The following SLC24A2 variants were observed in gnomAD, a reference collection of about 807,000 sequenced individuals.
SLC24A2 encodes sodium/potassium/calcium exchanger 2.
A neutral mutation model predicts 62.0 loss-of-function variants in SLC24A2; 36 were observed. The observed-to-expected ratio is 0.58, with a 90% CI of 0.44 to 0.77. SLC24A2 has a LOEUF of 0.77. SLC24A2 is among the 30% of genes least tolerant of loss of function. The pLI is 0.00. For synonymous variants in SLC24A2, 358 were observed against 294.0 expected (o/e 1.22, Z -2.23); for missense variants, 846 against 817.9 (o/e 1.03, Z -0.42).
the SLC24A2 span, among the ~76,000 whole-genome samples, chr9:20,257,402 T>A: frequency 1.2e-4 from 18 of 152,196 alleles, no homozygotes; most frequent in South Asian, 4.1e-4. Context: ...GGTGCCCTTT[T>A]TTTTCTATAG....
intron 2 of SLC24A2, among the ~76,000 whole-genome samples, chr9:19,771,409 T>G (rs1439483422): frequency 3.3e-5 from 5 of 152,208 alleles, no homozygotes; most frequent in Non-Finnish European, 7.3e-5. Context: ...CACTTAGACT[T>G]TCAAGGTCAG....
chr9:19,585,407 G>A (rs12347873), intron 5 of SLC24A2, among the ~76,000 whole-genome samples: 17,616 of 152,076 alleles, frequency 0.12, 1,111 homozygotes, highest in African/African-American at 0.17. Context: ...TTATTTTCTG[G>A]CATCACAAGA....
chr9:19,864,488 T>A, the SLC24A2 span, among the ~76,000 whole-genome samples: 1 of 151,980 alleles, frequency 6.6e-6, no homozygotes, highest in Non-Finnish European at 1.5e-5. Flanking sequence ...AAATGTCACT[T>A]ATCATGACCA....
intron 2 of SLC24A2, among the ~76,000 whole-genome samples, chr9:19,676,090 A>G (rs148126373): frequency 1.1e-3 from 172 of 152,118 alleles, no homozygotes; most frequent in African/African-American, 3.9e-3. Context: ...GCTCTCTAAA[A>G]TTTTCTCAGC....
intron 4 of SLC24A2, among the ~76,000 whole-genome samples, chr9:19,613,589 AC>A (rs1403276393): frequency 4.6e-5 from 7 of 151,994 alleles, no homozygotes; most frequent in Non-Finnish European, 1.0e-4. Context: ...CTTTTAAAAA[AC>A]CCTCTCTGGC....
intron 2 of SLC24A2, among the ~76,000 whole-genome samples, chr9:19,755,159 G>T (rs73432049): frequency 0.03 from 4,530 of 152,254 alleles, 226 homozygotes; most frequent in African/African-American, 0.1. Flanking sequence ...CCAGGGGCAA[G>T]TTCCTTAATC....
At chr9:19,947,168 G>A in the SLC24A2 span, among the ~76,000 whole-genome samples, 1 of 152,190 alleles carries the variant, frequency 6.6e-6, no homozygotes. Context: ...AACTGAGCCT[G>A]CAGTGATACT....
chr9:19,558,461 G>A (rs1052427626), intron 7 of SLC24A2, among the ~76,000 whole-genome samples: 1 of 152,174 alleles, frequency 6.6e-6, no homozygotes, highest in South Asian at 2.1e-4. Context: ...AGTGCACTAT[G>A]GCCAAAATGA....
the SLC24A2 span, among the ~76,000 whole-genome samples, chr9:20,279,009 G>C: frequency 6.6e-6 from 1 of 152,142 alleles, no homozygotes; most frequent in South Asian, 2.1e-4. Flanking sequence ...TCTTCATATG[G>C]CAGCAGGAAG....
At chr9:20,290,922 C>T in the SLC24A2 span, among the ~76,000 whole-genome samples, 4 of 152,134 alleles carry the variant, frequency 2.6e-5, no homozygotes, top group Admixed American at 6.5e-5. Context: ...CTAGCATTGA[C>T]CCATATGGCA....
At chr9:19,853,056 G>C in the SLC24A2 span, among the ~76,000 whole-genome samples, 5 of 152,154 alleles carry the variant, frequency 3.3e-5, no homozygotes, top group East Asian at 7.7e-4. Flanking sequence ...GTATTGCTGG[G>C]TATTTTATTC....
the SLC24A2 span, among the ~76,000 whole-genome samples, chr9:20,174,204 C>T: frequency 7.2e-5 from 11 of 151,862 alleles, no homozygotes; most frequent in Admixed American, 2.6e-4. Flanking sequence ...CAACTCAAGA[C>T]GGATTAAGGA....
At chr9:19,676,498 C>T (rs1819564107) in intron 2 of SLC24A2, among the ~76,000 whole-genome samples, 1 of 152,178 alleles carries the variant, frequency 6.6e-6, no homozygotes, top group Admixed American at 6.5e-5. Context: ...TGACTGTGTG[C>T]CTTTGTTTCC....
chr9:20,140,043 G>A, the SLC24A2 span, among the ~76,000 whole-genome samples: 2 of 152,144 alleles, frequency 1.3e-5, no homozygotes, highest in Non-Finnish European at 2.9e-5. Flanking sequence ...AGCTACATGT[G>A]GAAATCCCAG....
chr9:19,743,853 G>A (rs937196662), intron 2 of SLC24A2, among the ~76,000 whole-genome samples: 6 of 152,026 alleles, frequency 3.9e-5, no homozygotes, highest in Admixed American at 2.6e-4. Context: ...ATAAATGGAC[G>A]GGTACCTGGT....
At chr9:20,189,023 A>T in the SLC24A2 span, among the ~76,000 whole-genome samples, 1 of 151,870 alleles carries the variant, frequency 6.6e-6, no homozygotes, top group African/African-American at 2.4e-5. Context: ...TACCCAAGCT[A>T]AACTCCCACA....
the SLC24A2 span, among the ~76,000 whole-genome samples, chr9:20,238,930 C>G: frequency 3.3e-5 from 5 of 152,198 alleles, no homozygotes; most frequent in African/African-American, 7.2e-5. Context: ...TTCTTCCTCC[C>G]TCCTAGTGAC....
chr9:19,741,596 C>G (rs1449717530), intron 2 of SLC24A2, among the ~76,000 whole-genome samples: 1 of 152,264 alleles, frequency 6.6e-6, no homozygotes, highest in Admixed American at 6.5e-5. Flanking sequence ...GCAATTCTAC[C>G]TCCCTGGGAC....
chr9:19,991,059 TAC>T, the SLC24A2 span, among the ~76,000 whole-genome samples: 40 of 150,672 alleles, frequency 2.7e-4, no homozygotes. Context: ...CATACATACA[TAC>T]ATACATATAT....
Sources: gnomAD v4.1 joint callset for allele counts (sites outside exome capture counted in the v4.1 genomes callset) on GRCh38, gnomAD v4.1.1 for gene constraint, MANE v1.5 for transcripts, NCBI Gene and HGNC (gene_info 2026-07-23, HGNC 2026-07-21) for gene names.